CFAP61: variants seen among roughly 807,000 people sequenced by gnomAD.
The protein encoded by CFAP61 is cilia and flagella associated protein 61.
In CFAP61, 107 loss-of-function variants were observed where a neutral mutation model predicts 135.6. The observed-to-expected ratio is 0.79, with a 90% CI of 0.67 to 0.93. The LOEUF (loss-of-function observed/expected upper bound fraction) is 0.93. CFAP61 is among the 40% of genes least tolerant of loss of function. The probability of loss-of-function intolerance (pLI) is 0.00; values close to 1 mark genes in which losing one functional copy is unlikely to be tolerated. For missense variants in CFAP61, 1,507 were observed against 1,556.2 expected, an observed-to-expected ratio of 0.97 and a Z score of 0.53; for synonymous variants, 575 against 578.5, an observed-to-expected ratio of 0.99 and a Z score of 0.09.
intron 17 of CFAP61, among the ~76,000 whole-genome samples, chr20:20,202,494 C>A (rs9941757): frequency 6.6e-6 from 1 of 152,184 alleles, no homozygotes; most frequent in Admixed American, 6.5e-5. Flanking sequence ...GAATGGGCCT[C>A]GGTATTAAAA....
chr20:20,187,845 T>G, intron 13 of CFAP61, 85 bp from the exon 14 acceptor site: 2 of 990,166 alleles, frequency 2.0e-6, no homozygotes, highest in Non-Finnish European at 3.1e-6. Flanking sequence ...TTTATATAAG[T>G]GTGATATATT....
chr20:20,325,416 C>T (rs1437465756), intron 25 of CFAP61, among the ~76,000 whole-genome samples: 1 of 152,216 alleles, frequency 6.6e-6, no homozygotes, highest in Admixed American at 6.5e-5. Context: ...CCACAAGCTT[C>T]TGGCAACCGC....
At chr20:20,188,606 T>A (rs1008123757) in intron 14 of CFAP61, among the ~76,000 whole-genome samples, 2 of 152,228 alleles carry the variant, frequency 1.3e-5, no homozygotes, top group Non-Finnish European at 2.9e-5. Context: ...ATGTATGTGC[T>A]ATGGCAAAAG....
intron 2 of CFAP61, among the ~76,000 whole-genome samples, chr20:20,065,629 A>AAAC (rs2045194586): frequency 1.3e-5 from 2 of 151,698 alleles, no homozygotes; most frequent in Non-Finnish European, 2.9e-5. Flanking sequence ...AAAAAAAAAA[A>AAAC]AGGTGGTTCT....
intron 1 of CFAP61, among the ~76,000 whole-genome samples, chr20:20,054,532 A>G (rs1191989736): frequency 6.6e-6 from 1 of 152,196 alleles, no homozygotes; most frequent in African/African-American, 2.4e-5. Flanking sequence ...ACATAAGTCA[A>G]CTTTCAGTGT....
At chr20:20,082,857 G>A (rs867394028) in intron 6 of CFAP61, among the ~76,000 whole-genome samples, 10 of 152,268 alleles carry the variant, frequency 6.6e-5, no homozygotes, top group Non-Finnish European at 1.2e-4. Flanking sequence ...TGTTGGCATG[G>A]ATGTGGTGAA....
rs561327092 is a variant in CFAP61 at position 20,131,892 on chromosome 20, ATAT to A, written c.860-10960_860-10958del. Among the ~76,000 whole-genome samples the A allele has an allele frequency of 1.6e-3, 239 of 152,168 alleles. 1 individual carries two copies. The highest frequency in any genetic ancestry group is 0.01 in the Middle Eastern group (3 of 294). ...TTCTTTGACTTACGAGTTATTTAAAATATTATTTATTTATTAACATGGGAATGT... is the reference window on the plus strand; with the variant it reads ...TTCTTTGACTTACGAGTTATTTAAAATATTTATTTATTAACATGGGAATGT... On this transcript the variant is annotated intron_variant, in intron 8 of 26. Coordinates refer to ENST00000245957, the MANE Select transcript of CFAP61 (RefSeq NM_015585.4).
At chr20:20,243,529 C>G (rs908152734) in intron 18 of CFAP61, among the ~76,000 whole-genome samples, 2 of 152,070 alleles carry the variant, frequency 1.3e-5, no homozygotes, top group Non-Finnish European at 2.9e-5. Flanking sequence ...CCTCCACCTC[C>G]CCAGTTCAAG....
chr20:20,053,014 G>A (rs2043884258), intron 1 of CFAP61, among the ~76,000 whole-genome samples: 3 of 152,136 alleles, frequency 2.0e-5, no homozygotes, highest in Non-Finnish European at 4.4e-5. Flanking sequence ...AATATAAATA[G>A]AGTAACTGGA....
chr20:20,060,649 T>TA (rs1375694539), intron 2 of CFAP61, among the ~76,000 whole-genome samples: 4 of 152,210 alleles, frequency 2.6e-5, no homozygotes, highest in East Asian at 3.8e-4. Flanking sequence ...TCCTGTCACT[T>TA]ACGCCTTTGT....
At chr20:20,315,185 C>A (rs1228948961) in intron 25 of CFAP61, among the ~76,000 whole-genome samples, 1 of 151,916 alleles carries the variant, frequency 6.6e-6, no homozygotes, top group Non-Finnish European at 1.5e-5. Flanking sequence ...TCTCCACATC[C>A]TCTCCAGCAC....
At chr20:20,180,444 A>G (rs1237844754) in intron 13 of CFAP61, among the ~76,000 whole-genome samples, 1 of 152,224 alleles carries the variant, frequency 6.6e-6, no homozygotes, top group African/African-American at 2.4e-5. Flanking sequence ...CATTAGAGAA[A>G]TGCAGATCAA....
chr20:20,080,931 G>A (rs2146591684), intron 6 of CFAP61, among the ~76,000 whole-genome samples: 1 of 152,180 alleles, frequency 6.6e-6, no homozygotes, highest in African/African-American at 2.4e-5. Context: ...GAACCTGGGA[G>A]GCGGAGGTTG....
intron 2 of CFAP61, among the ~76,000 whole-genome samples, chr20:20,060,836 T>C (rs1418967676): frequency 1.3e-5 from 2 of 152,226 alleles, no homozygotes; most frequent in Non-Finnish European, 2.9e-5. Flanking sequence ...TCCAGTCACA[T>C]GTTTCCCTGT....
Position 20,056,644 on chromosome 20 carries a change from A to C in CFAP61, c.-10A>C. The C allele has an allele frequency of 6.2e-7, 1 of 1,613,608 alleles. No homozygotes were observed. Among genetic ancestry groups the C allele is most frequent in the East Asian group, 2.2e-5 (1 of 44,872 alleles). On this transcript the variant is annotated 5_prime_UTR_variant, in exon 2 of 27. Coordinates refer to ENST00000245957, the MANE Select transcript of CFAP61 (RefSeq NM_015585.4). ...GGACTTTTTTCTCTCTTTTGGGGAC[A>C]GGATAAAAAATGTCAGTACTCACTT...
intron 25 of CFAP61, among the ~76,000 whole-genome samples, chr20:20,340,036 G>A (rs1194096951): frequency 1.3e-5 from 2 of 152,208 alleles, no homozygotes; most frequent in Non-Finnish European, 2.9e-5. Flanking sequence ...AGTTCTCCTT[G>A]GATAGGGGAA....
chr20:20,208,735 G>A (rs1427909390), intron 17 of CFAP61, among the ~76,000 whole-genome samples: 1 of 152,192 alleles, frequency 6.6e-6, no homozygotes, highest in Non-Finnish European at 1.5e-5. Flanking sequence ...CCCTGGAGGT[G>A]CCCCATAGGA....
chr20:20,074,454 A>G, intron 4 of CFAP61, 76 bp downstream of exon 4: 5 of 1,308,728 alleles, frequency 3.8e-6, no homozygotes, highest in South Asian at 3.6e-5. Context: ...TTTAAAAGAC[A>G]TGAAATTCTT....
intron 17 of CFAP61, among the ~76,000 whole-genome samples, chr20:20,209,015 C>T (rs1469879072): frequency 2.0e-5 from 3 of 152,226 alleles, no homozygotes; most frequent in African/African-American, 7.2e-5. Context: ...TCTGCATGTA[C>T]TCATCTAACC....
Sources: gnomAD v4.1 joint callset for allele counts (sites outside exome capture counted in the v4.1 genomes callset) on GRCh38, gnomAD v4.1.1 for gene constraint, MANE v1.5 for transcripts, NCBI Gene and HGNC (gene_info 2026-07-23, HGNC 2026-07-21) for gene names.